The following KIF26B variants were observed in gnomAD, a reference collection of about 807,000 sequenced individuals.
KIF26B encodes the protein kinesin family member 26B.
Under a neutral mutation model 151.2 loss-of-function variants are expected in KIF26B, and 63 were observed. That is an observed-to-expected ratio of 0.42 (90% CI 0.34 to 0.51). The LOEUF is 0.51. Ranked by LOEUF, KIF26B falls within the 20% of genes least tolerant of loss-of-function variation. The pLI is 0.07. For synonymous variants in KIF26B, 1,357 were observed against 1,262.1 expected, an observed-to-expected ratio of 1.08 and a Z score of -1.59; for missense variants, 2,813 against 2,913.6, an observed-to-expected ratio of 0.97 and a Z score of 0.79.
chr1:245,300,671 G>A (rs1196038660), intron 2 of KIF26B, among the ~76,000 whole-genome samples: 5 of 151,484 alleles, frequency 3.3e-5, no homozygotes, highest in African/African-American at 4.9e-5. Flanking sequence ...TGGGATTACA[G>A]GTGTACACCA....
chr1:245,403,747 G>A (rs1425955667), intron 3 of KIF26B, among the ~76,000 whole-genome samples: 1 of 152,188 alleles, frequency 6.6e-6, no homozygotes, highest in Non-Finnish European at 1.5e-5. Flanking sequence ...TAGACTTCTG[G>A]TGTTAAGCCC....
intron 2 of KIF26B, among the ~76,000 whole-genome samples, chr1:245,245,689 T>C (rs1354178956): frequency 6.6e-6 from 1 of 151,872 alleles, no homozygotes; most frequent in East Asian, 1.9e-4. Flanking sequence ...CCCCGGCACT[T>C]TGGGAGGCCG....
intron 4 of KIF26B, among the ~76,000 whole-genome samples, chr1:245,500,916 G>A (rs1660607471): frequency 6.6e-6 from 1 of 152,230 alleles, no homozygotes; most frequent in Non-Finnish European, 1.5e-5. Context: ...CATTGCCAGA[G>A]CTGCCTAAAA....
At chr1:245,555,369 C>T (rs911222453) in intron 5 of KIF26B, among the ~76,000 whole-genome samples, 27 of 152,172 alleles carry the variant, frequency 1.8e-4, no homozygotes, top group African/African-American at 6.0e-4. Context: ...GGACGCTTCT[C>T]GCCTCGTCTC....
intron 5 of KIF26B, among the ~76,000 whole-genome samples, chr1:245,594,779 ATTGTTTCTTCCTT>A (rs1359263391): frequency 3.3e-5 from 5 of 152,240 alleles, no homozygotes; most frequent in African/African-American, 1.2e-4. Context: ...TATTCACGAT[ATTGTTTCTTCCTT>A]TCCATAAGCA....
intron 2 of KIF26B, among the ~76,000 whole-genome samples, chr1:245,181,293 T>A (rs1213937468): frequency 6.6e-6 from 1 of 152,062 alleles, no homozygotes; most frequent in Non-Finnish European, 1.5e-5. Flanking sequence ...AGCAATTAGC[T>A]CTCACCCTGA....
chr1:245,403,513 C>T (rs1674057340), intron 3 of KIF26B, among the ~76,000 whole-genome samples: 1 of 152,112 alleles, frequency 6.6e-6, no homozygotes, highest in African/African-American at 2.4e-5. Flanking sequence ...GCTTGAGCCT[C>T]GTCCCTTTTG....
chr1:245,203,944 C>T (rs1669349685), intron 2 of KIF26B, among the ~76,000 whole-genome samples: 1 of 152,218 alleles, frequency 6.6e-6, no homozygotes, highest in African/African-American at 2.4e-5. Flanking sequence ...TTCAGAGGAC[C>T]TGCTATCAAC....
chr1:245,646,356 A>G lies in KIF26B; in HGVS notation c.2258+76A>G, dbSNP rs1572176697. On this transcript the variant is annotated intron_variant, in intron 10 of 14. Transcript: ENST00000407071. ...ACGCTTTGTTCAGTGCCATCTGTGGAGAGGTGTGCCACAGAGGGACAGCCT... is the reference window on the plus strand; with the variant it reads ...ACGCTTTGTTCAGTGCCATCTGTGGGGAGGTGTGCCACAGAGGGACAGCCT... 2.7e-6 allele frequency: 4 copies of G among 1,482,582 alleles called. No individual in the cohort carries two copies. The South Asian group carries it at 5.0e-5, about 19-fold the overall frequency. 91.8% of individuals were successfully genotyped at this position (1,482,582 alleles called of 1,614,324 possible). A position where few individuals can be genotyped will look rare whatever the true frequency, so the allele number is the denominator to read the frequency against.
chr1:245,328,864 A>G (rs1377262492), intron 2 of KIF26B, among the ~76,000 whole-genome samples: 1 of 152,156 alleles, frequency 6.6e-6, no homozygotes, highest in Non-Finnish European at 1.5e-5. Flanking sequence ...CAGCTGGGAG[A>G]GTCCATTCAT....
At chr1:245,359,771 G>A (rs1672776641) in intron 2 of KIF26B, among the ~76,000 whole-genome samples, 1 of 150,762 alleles carries the variant, frequency 6.6e-6, no homozygotes, top group South Asian at 2.1e-4. Context: ...TTGAACTGCT[G>A]GCTCAACTGA....
chr1:245,682,023 G>A (rs973920925), intron 10 of KIF26B, among the ~76,000 whole-genome samples: 5 of 152,136 alleles, frequency 3.3e-5, no homozygotes, highest in Admixed American at 6.5e-5. Context: ...CGGGCGGATC[G>A]CCTGAGGTCA....
chr1:245,552,616 A>ATTTTTTTTT (rs3038129), intron 5 of KIF26B, among the ~76,000 whole-genome samples: 1,683 of 138,400 alleles, frequency 0.012, 62 homozygotes, highest in African/African-American at 0.044. Flanking sequence ...ATCTTCCTGG[A>ATTTTTTTTT]TTTTTTTTTT....
intron 4 of KIF26B, among the ~76,000 whole-genome samples, chr1:245,499,862 G>T (rs1660584842): frequency 6.6e-6 from 1 of 152,196 alleles, no homozygotes; most frequent in South Asian, 2.1e-4. Context: ...AGCAATCATG[G>T]GTGCGAGGTA....
chr1:245,525,714 G>A (rs956903811), intron 4 of KIF26B, among the ~76,000 whole-genome samples: 1 of 152,110 alleles, frequency 6.6e-6, no homozygotes, highest in African/African-American at 2.4e-5. Context: ...TAGAGAACAA[G>A]TATTTTCTTC....
chr1:245,499,245 A>ATG (rs112357836), intron 4 of KIF26B, among the ~76,000 whole-genome samples: 4,331 of 151,344 alleles, frequency 0.029, 172 homozygotes, highest in African/African-American at 0.091. Flanking sequence ...AATAATAGTG[A>ATG]TGTGTGTGTG....
chr1:245,311,711 T>A (rs967491697), intron 2 of KIF26B, among the ~76,000 whole-genome samples: 1 of 152,148 alleles, frequency 6.6e-6, no homozygotes, highest in African/African-American at 2.4e-5. Context: ...GGTGGGTGGA[T>A]CACCTGAGGT....
intron 9 of KIF26B, among the ~76,000 whole-genome samples, chr1:245,643,489 T>C (rs1166198768): frequency 6.6e-6 from 1 of 152,236 alleles, no homozygotes; most frequent in Non-Finnish European, 1.5e-5. Flanking sequence ...AATAGTATAC[T>C]TCCATTTCTC....
intron 4 of KIF26B, among the ~76,000 whole-genome samples, chr1:245,431,288 C>T (rs1295814246): frequency 6.6e-6 from 1 of 151,912 alleles, no homozygotes; most frequent in Non-Finnish European, 1.5e-5. Context: ...AAGCAATTCT[C>T]CTGCCTCAGC....
Sources: gnomAD v4.1 joint callset for allele counts (sites outside exome capture counted in the v4.1 genomes callset) on GRCh38, gnomAD v4.1.1 for gene constraint, MANE v1.5 for transcripts, NCBI Gene and HGNC (gene_info 2026-07-23, HGNC 2026-07-21) for gene names.